The following TENM3 variants were observed in gnomAD, a reference collection of about 807,000 sequenced individuals.
The protein encoded by TENM3 is teneurin-3.
Under a neutral mutation model 255.1 loss-of-function variants are expected in TENM3, and 63 were observed. The observed-to-expected ratio is 0.25, with a 90% confidence interval of 0.20 to 0.30. The LOEUF is 0.30. Ranked by LOEUF, TENM3 falls within the 10% of genes least tolerant of loss-of-function variation. The pLI is 1.00. For synonymous variants in TENM3, 1,306 were observed against 1,322.3 expected (o/e 0.99, Z 0.27); for missense variants, 2,929 against 3,461.1 (o/e 0.85, Z 3.86).
chr4:181,757,267 G>A, the TENM3 span, among the ~76,000 whole-genome samples: 2 of 152,174 alleles, frequency 1.3e-5, no homozygotes, highest in Non-Finnish European at 2.9e-5. Flanking sequence ...TATTGTAATA[G>A]CGTGGGGAGA....
At chr4:182,203,252 C>T (rs372846749) in intron 1 of TENM3, among the ~76,000 whole-genome samples, 9 of 151,742 alleles carry the variant, frequency 5.9e-5, no homozygotes, top group African/African-American at 2.2e-4. Flanking sequence ...AAAATGGGCT[C>T]AAATAGAATC....
At chr4:182,408,878 C>T (rs17073255) in intron 3 of TENM3, among the ~76,000 whole-genome samples, 12,017 of 152,238 alleles carry the variant, frequency 0.079, 788 homozygotes, top group East Asian at 0.22. Flanking sequence ...GCCTCCTTCC[C>T]GTTAAATTAT....
At chr4:182,570,114 A>G (rs1466676553) in intron 3 of TENM3, among the ~76,000 whole-genome samples, 1 of 152,218 alleles carries the variant, frequency 6.6e-6, no homozygotes, top group African/African-American at 2.4e-5. Flanking sequence ...TAATCGAGGC[A>G]AAAGATGATG....
At chr4:182,001,962 A>G in the TENM3 span, among the ~76,000 whole-genome samples, 1 of 152,164 alleles carries the variant, frequency 6.6e-6, no homozygotes, top group African/African-American at 2.4e-5. Flanking sequence ...TGAAGTTTAT[A>G]ATACTATAAC....
intron 3 of TENM3, among the ~76,000 whole-genome samples, chr4:182,396,609 T>C (rs941543356): frequency 3.9e-5 from 6 of 152,174 alleles, no homozygotes; most frequent in African/African-American, 1.4e-4. Context: ...ATAAAAGAGA[T>C]TTTGTATTTG....
intron 3 of TENM3, among the ~76,000 whole-genome samples, chr4:182,486,317 G>GA (rs530127032): frequency 6.7e-5 from 10 of 148,368 alleles, no homozygotes; most frequent in East Asian, 4.2e-4. Context: ...ATTGTGTGTG[G>GA]GGGGGAGGGT....
chr4:181,775,547 A>T, the TENM3 span, among the ~76,000 whole-genome samples: 4 of 152,224 alleles, frequency 2.6e-5, no homozygotes, highest in Non-Finnish European at 5.9e-5. Flanking sequence ...ATATTGGGAA[A>T]TTTAATAAGT....
At chr4:182,006,361 C>CT in the TENM3 span, among the ~76,000 whole-genome samples, 1 of 152,012 alleles carries the variant, frequency 6.6e-6, no homozygotes, top group African/African-American at 2.4e-5. Flanking sequence ...TGGTCCTGGG[C>CT]TTTTTTGGTT....
intron 4 of TENM3, among the ~76,000 whole-genome samples, chr4:182,608,771 C>T (rs952528603): frequency 2.0e-5 from 3 of 152,112 alleles, no homozygotes; most frequent in African/African-American, 7.2e-5. Flanking sequence ...TGGGAGGTCC[C>T]CAAGCCAGGC....
chr4:182,586,439 G>A (rs1746029262), intron 3 of TENM3, among the ~76,000 whole-genome samples: 2 of 152,052 alleles, frequency 1.3e-5, no homozygotes, highest in Admixed American at 1.3e-4. Context: ...CCTTTCATAG[G>A]TGCTCAGTCA....
chr4:181,624,248 A>C, the TENM3 span, among the ~76,000 whole-genome samples: 1 of 152,190 alleles, frequency 6.6e-6, no homozygotes, highest in Non-Finnish European at 1.5e-5. Flanking sequence ...ATACAGGCTG[A>C]TGGAATAAGT....
the TENM3 span, among the ~76,000 whole-genome samples, chr4:181,642,161 A>C: frequency 6.6e-6 from 1 of 151,992 alleles, no homozygotes; most frequent in African/African-American, 2.4e-5. Context: ...AATGATTGCC[A>C]TTCTAACAGG....
chr4:181,752,664 C>T, the TENM3 span, among the ~76,000 whole-genome samples: 3 of 152,030 alleles, frequency 2.0e-5, no homozygotes, highest in Admixed American at 6.6e-5. Flanking sequence ...ATGAGTCATT[C>T]ACAACATCCT....
the TENM3 span, among the ~76,000 whole-genome samples, chr4:181,763,312 A>C: frequency 1.3e-5 from 2 of 152,286 alleles, no homozygotes; most frequent in Non-Finnish European, 2.9e-5. Context: ...CATCATCATC[A>C]TGTTAATCCT....
the TENM3 span, among the ~76,000 whole-genome samples, chr4:181,816,161 C>A: frequency 3.3e-5 from 5 of 152,164 alleles, no homozygotes; most frequent in African/African-American, 1.2e-4. Context: ...GCCTCAGCAA[C>A]CTGTGTCCTG....
the TENM3 span, among the ~76,000 whole-genome samples, chr4:182,087,657 C>T: frequency 6.7e-6 from 1 of 148,450 alleles, no homozygotes; most frequent in Non-Finnish European, 1.5e-5. Context: ...ATAGATGGAT[C>T]GACATTAATA....
chr4:181,738,679 GACAA>G, the TENM3 span, among the ~76,000 whole-genome samples: 1 of 151,422 alleles, frequency 6.6e-6, no homozygotes, highest in Non-Finnish European at 1.5e-5. Flanking sequence ...TCTGGCTATT[GACAA>G]ACACTTGTTT....
chr4:182,639,946 C>T (rs779890958), intron 5 of TENM3, among the ~76,000 whole-genome samples: 6 of 152,136 alleles, frequency 3.9e-5, no homozygotes, highest in East Asian at 1.9e-4. Context: ...AAAAATTAGC[C>T]GGGCGTGGTG....
At chr4:181,595,133 A>G in the TENM3 span, among the ~76,000 whole-genome samples, 1 of 151,966 alleles carries the variant, frequency 6.6e-6, no homozygotes, top group African/African-American at 2.4e-5. Context: ...ATGATTTTCT[A>G]CTAAAAGTAG....
Sources: gnomAD v4.1 joint callset for allele counts (sites outside exome capture counted in the v4.1 genomes callset) on GRCh38, gnomAD v4.1.1 for gene constraint, MANE v1.5 for transcripts, NCBI Gene and HGNC (gene_info 2026-07-23, HGNC 2026-07-21) for gene names.